The following SGCD variants were observed in gnomAD, a reference collection of about 807,000 sequenced individuals.
SGCD encodes the protein sarcoglycan delta.
Under a neutral mutation model 36.6 loss-of-function variants are expected in SGCD, and 18 were observed. That is an observed-to-expected ratio of 0.49 (90% CI 0.34 to 0.73). The LOEUF is 0.73. Among genes scored for constraint, SGCD ranks in the 30% least tolerant of loss-of-function variants. The pLI, the probability that SGCD is intolerant of heterozygous loss-of-function variation, is 0.01. For missense variants in SGCD, 387 were observed against 346.7 expected (o/e 1.12, Z -0.92); for synonymous variants, 133 against 130.6 (o/e 1.02, Z -0.12).
At chr5:155,729,339 G>C in the SGCD span, among the ~76,000 whole-genome samples, 5 of 152,244 alleles carry the variant, frequency 3.3e-5, no homozygotes, top group African/African-American at 1.2e-4. Flanking sequence ...CTAAGAGATC[G>C]TGGGCAGACC....
chr5:155,797,566 C>G, the SGCD span, among the ~76,000 whole-genome samples: 32 of 152,230 alleles, frequency 2.1e-4, no homozygotes, highest in Non-Finnish European at 4.4e-4. Context: ...AGTTGCATTT[C>G]AATTGAGTTC....
chr5:156,344,693 TA>T lies in SGCD; in HGVS notation c.192+17del, dbSNP rs1159975068. On this transcript the variant is annotated intron_variant, in intron 3 of 8. Transcript: ENST00000337851. ...CTTCACAATTGTAAGTAAAACCATC[TA>T]GGTTTGTTTAGCTTTCTTCCGGGAG... is the stretch of plus-strand genomic sequence containing the variant. 1 of 1,574,540 alleles carries T rather than the reference TA, an allele frequency of 6.4e-7. No homozygotes were observed. The highest frequency in any genetic ancestry group is 8.6e-7 in the Non-Finnish European group (1 of 1,157,236).
intron 7 of SGCD, among the ~76,000 whole-genome samples, chr5:156,658,591 C>T (rs1763781509): frequency 1.2e-5 from 1 of 80,668 alleles, no homozygotes; most frequent in Admixed American, 1.5e-4. Flanking sequence ...TTTTTCTTAG[C>T]ACATAACAAA....
intron 1 of SGCD, among the ~76,000 whole-genome samples, chr5:156,075,518 C>A (rs1760751889): frequency 1.3e-5 from 2 of 151,934 alleles, no homozygotes; most frequent in Non-Finnish European, 2.9e-5. Context: ...GATTGAGGGC[C>A]CAGGAACATC....
rs560605300 is a variant in SGCD at position 156,071,819 on chromosome 5, A to T, written c.-281-46059A>T. ...GCTTCATGAATCTGGGTGCTCCTGT[A>T]TTGGGTGCATATATATTTAGATAGT... On this transcript the variant is annotated intron_variant, in intron 1 of 9. Transcript: ENST00000517913. Among the ~76,000 whole-genome samples the T allele has an allele frequency of 3.7e-4, 56 of 152,270 alleles. No homozygotes were observed. The South Asian group carries it at 0.011, about 29-fold the overall frequency.
intron 3 of SGCD, among the ~76,000 whole-genome samples, chr5:156,265,308 A>T (rs1765969652): frequency 2.0e-5 from 3 of 152,164 alleles, no homozygotes; most frequent in Admixed American, 2.0e-4. Flanking sequence ...CTATGAAACC[A>T]GTGGATAGTA....
At chr5:156,470,107 T>C (rs541765021) in intron 3 of SGCD, among the ~76,000 whole-genome samples, 49 of 152,216 alleles carry the variant, frequency 3.2e-4, no homozygotes, top group Non-Finnish European at 5.9e-4. Flanking sequence ...TAAGTTCACT[T>C]GTATGGTAAA....
At chr5:156,465,312 G>A (rs1023818430) in intron 3 of SGCD, among the ~76,000 whole-genome samples, 3 of 152,154 alleles carry the variant, frequency 2.0e-5, no homozygotes, top group Admixed American at 2.0e-4. Context: ...GTCTGGAGTG[G>A]AGCCATGTGG....
At position 156,056,653 on chromosome 5, in the gene SGCD, A is replaced by AAAACAAAAC. The variant is rs1561699585; in HGVS notation, c.-281-61222_-281-61221insCAAAACAAA. ...ACCTGCCAAATTATCCTTAAAAAAA[A>AAAACAAAAC]AAAAAAAAAAAACAGTCTCCAAATT... On this transcript the variant is annotated intron_variant, in intron 1 of 9. Transcript: ENST00000517913. Among the ~76,000 whole-genome samples, 6 of 136,476 alleles carry AAAACAAAAC rather than the reference A, an allele frequency of 4.4e-5. 1 individual carries two copies. The highest frequency in any genetic ancestry group is 1.8e-4 in the African/African-American group (6 of 34,250). The allele number at this position is 136,476 out of a possible 152,430, so 89.5% of individuals were successfully genotyped here. A position where few individuals can be genotyped will look rare whatever the true frequency, so the allele number is the denominator to read the frequency against.
chr5:156,609,533 T>A lies in SGCD; in HGVS notation c.502+14482T>A, dbSNP rs190581285. 2.7e-3 allele frequency among the ~76,000 whole-genome samples: 406 copies of A among 152,310 alleles called. 3 individuals are homozygous for A. The highest frequency in any genetic ancestry group is 9.4e-3 in the African/African-American group (390 of 41,566). On this transcript the variant is annotated intron_variant, in intron 6 of 8. Transcript: ENST00000337851. Reference sequence around the variant, plus strand: ...TGACAATTATGTGTCTTGGAGTTGCTCCTCTCGAGGAGTATCTTTATGGCA... The same window carrying A: ...TGACAATTATGTGTCTTGGAGTTGCACCTCTCGAGGAGTATCTTTATGGCA...
intron 4 of SGCD, among the ~76,000 whole-genome samples, chr5:156,535,202 A>G (rs146814212): frequency 5.9e-5 from 9 of 152,288 alleles, no homozygotes; most frequent in Non-Finnish European, 1.5e-5. Flanking sequence ...AGCCTTAAAG[A>G]ATGATACCGG....
chr5:156,032,732 AAAAAG>A (rs1759381305), intron 1 of SGCD, among the ~76,000 whole-genome samples: 1 of 148,286 alleles, frequency 6.7e-6, no homozygotes, highest in Non-Finnish European at 1.5e-5. Context: ...AAAAAAAAAA[AAAAAG>A]AGTGTTTAAT....
intron 7 of SGCD, among the ~76,000 whole-genome samples, chr5:156,650,153 T>G (rs765873159): frequency 4.6e-5 from 7 of 152,132 alleles, no homozygotes; most frequent in Non-Finnish European, 8.8e-5. Context: ...TAGTGTTTGT[T>G]ACACAACTTA....
chr5:155,975,609 C>CATTTTTTT (rs1758096365), intron 1 of SGCD, among the ~76,000 whole-genome samples: 1 of 28,008 alleles, frequency 3.6e-5, no homozygotes. Context: ...TCTTTCTTTC[C>CATTTTTTT]TTTTTTTTTT....
intron 4 of SGCD, among the ~76,000 whole-genome samples, chr5:156,566,107 A>G (rs1301694145): frequency 1.3e-5 from 2 of 152,202 alleles, no homozygotes; most frequent in South Asian, 4.1e-4. Context: ...GCTCAGCATC[A>G]CTGGTCATTA....
chr5:156,677,190 A>G (rs915815411), intron 7 of SGCD, among the ~76,000 whole-genome samples: 1 of 152,230 alleles, frequency 6.6e-6, no homozygotes, highest in South Asian at 2.1e-4. Context: ...ATTATAAATC[A>G]TGCTGCTATA....
intron 1 of SGCD, among the ~76,000 whole-genome samples, chr5:155,915,884 A>G (rs1756723700): frequency 3.3e-5 from 5 of 152,182 alleles, no homozygotes; most frequent in Admixed American, 3.3e-4. Context: ...GTGAAATCTG[A>G]GTCACTTATT....
the SGCD span, among the ~76,000 whole-genome samples, chr5:155,813,436 G>C: frequency 6.6e-6 from 1 of 152,086 alleles, no homozygotes; most frequent in Admixed American, 6.5e-5. Flanking sequence ...AAGAGCAAAG[G>C]GTTAGTTGCC....
At chr5:155,897,780 AT>A (rs1296127839) in intron 1 of SGCD, among the ~76,000 whole-genome samples, 1 of 152,154 alleles carries the variant, frequency 6.6e-6, no homozygotes, top group Non-Finnish European at 1.5e-5. Flanking sequence ...ATTATAGGAA[AT>A]TTTTAGTTCT....
Sources: gnomAD v4.1 joint callset for allele counts (sites outside exome capture counted in the v4.1 genomes callset) on GRCh38, gnomAD v4.1.1 for gene constraint, MANE v1.5 for transcripts, NCBI Gene and HGNC (gene_info 2026-07-23, HGNC 2026-07-21) for gene names.